The following NAA25 variants were observed in gnomAD, a reference collection of about 807,000 sequenced individuals.
The protein encoded by NAA25 is N-alpha-acetyltransferase 25, NatB auxiliary subunit.
In NAA25, 30 loss-of-function variants were observed where a neutral mutation model predicts 132.5. The ratio of observed to expected loss-of-function variants is 0.23; its 90% CI spans 0.17 to 0.31. NAA25 has a LOEUF of 0.31. NAA25 is among the 10% of genes least tolerant of loss of function. The pLI, the probability that NAA25 is intolerant of heterozygous loss-of-function variation, is 1.00. For missense variants in NAA25, 771 were observed against 1,150.4 expected, an observed-to-expected ratio of 0.67 and a Z score of 4.77; for synonymous variants, 359 against 401.9, an observed-to-expected ratio of 0.89 and a Z score of 1.28.
chr12:112,060,431 A>G, intron 12 of NAA25, 72 bp from the exon 13 acceptor site: 2 of 1,001,912 alleles, frequency 2.0e-6, no homozygotes, highest in Non-Finnish European at 3.1e-6. Flanking sequence ...AGTTTTTAAA[A>G]GCAGGAAAGT....
At chr12:112,043,024 C>T in intron 19 of NAA25, 64 bp downstream of exon 19, 1 of 1,465,744 alleles carries the variant, frequency 6.8e-7, no homozygotes, top group Non-Finnish European at 9.1e-7. Context: ...AGGTTATAGA[C>T]ATTTTATTAC....
chr12:112,069,425 C>A (rs2078769830), intron 10 of NAA25, among the ~76,000 whole-genome samples: 1 of 152,130 alleles, frequency 6.6e-6, no homozygotes, highest in Non-Finnish European at 1.5e-5. Context: ...ATCGCTTGAA[C>A]CGAGAAGGTG....
chr12:112,044,467 G>A (rs2078348470), intron 17 of NAA25, among the ~76,000 whole-genome samples: 2 of 151,398 alleles, frequency 1.3e-5, no homozygotes, highest in Admixed American at 1.3e-4. Flanking sequence ...TCAGGAGATC[G>A]AGATCATCCT....
At chr12:112,076,136 G>A (rs558597070) in intron 7 of NAA25, among the ~76,000 whole-genome samples, 2 of 152,208 alleles carry the variant, frequency 1.3e-5, no homozygotes, top group Admixed American at 1.3e-4. Flanking sequence ...ACCCATCCCA[G>A]CCTCCCAGAG....
intron 4 of NAA25, among the ~76,000 whole-genome samples, chr12:112,081,458 TTTAC>T (rs1399281016): frequency 1.3e-5 from 2 of 152,178 alleles, no homozygotes; most frequent in Non-Finnish European, 2.9e-5. Flanking sequence ...ATCAATAAAC[TTTAC>T]TTAAGATACC....
intron 15 of NAA25, among the ~76,000 whole-genome samples, chr12:112,050,793 T>A (rs754554612): frequency 6.6e-6 from 1 of 152,222 alleles, no homozygotes; most frequent in Non-Finnish European, 1.5e-5. Context: ...TTTTTAAAAA[T>A]CTATTCCAAA....
In NAA25 at chr12:112,043,230, A is replaced by C; in HGVS notation, c.2251-19T>G. 6.4e-7 allele frequency: 1 copy of C among 1,565,794 alleles called. No homozygotes were observed. The highest frequency in any genetic ancestry group is 8.6e-7 in the Non-Finnish European group (1 of 1,157,450). On this transcript the variant is annotated intron_variant, in intron 18 of 23. Coordinates refer to ENST00000261745, the MANE Select transcript of NAA25 (RefSeq NM_024953.4). ...AAGGATACTGGAAAAAAGGGAGAAAAATAATGCTCTTTTAAATCCATCTAA... is the reference window on the plus strand; with the variant it reads ...AAGGATACTGGAAAAAAGGGAGAAACATAATGCTCTTTTAAATCCATCTAA...
chr12:112,055,967 A>G (rs1170387849), intron 13 of NAA25, among the ~76,000 whole-genome samples: 1 of 152,204 alleles, frequency 6.6e-6, no homozygotes, highest in African/African-American at 2.4e-5. Flanking sequence ...TGGGAGGACA[A>G]GGCAGGGAGA....
Position 112,068,974 on chromosome 12 carries a change from A to G in NAA25, c.1055T>C (p.Met352Thr). Residue 352 changes from methionine (M) to threonine (T), a missense_variant, in exon 11 of 24, where the codon ATG becomes ACG. Physicochemically the swap from Met to Thr is moderately conservative, Grantham distance 81. Transcript: ENST00000261745. ...EYKLGDPEEL[M>T]FQYFKKFGDK... is the part of the protein sequence containing the mutation. ...GCCAAACTTTTTAAAATACTGGAACATTAATTCTTCTGGATCACCTGGGGG... is the reference window on the plus strand; with the variant it reads ...GCCAAACTTTTTAAAATACTGGAACGTTAATTCTTCTGGATCACCTGGGGG... 1 of 1,608,822 alleles carries G rather than the reference A, an allele frequency of 6.2e-7. No homozygotes were observed. Among genetic ancestry groups the G allele is most frequent in the Non-Finnish European group, 8.5e-7 (1 of 1,175,618 alleles).
intron 11 of NAA25, among the ~76,000 whole-genome samples, chr12:112,064,795 G>A (rs2078689984): frequency 6.6e-6 from 1 of 152,182 alleles, no homozygotes; most frequent in Non-Finnish European, 1.5e-5. Context: ...AGCACTTTGG[G>A]AGGCCGAGGC....
intron 4 of NAA25, among the ~76,000 whole-genome samples, chr12:112,086,037 A>T (rs1379500335): frequency 4.0e-4 from 32 of 79,076 alleles, no homozygotes; most frequent in African/African-American, 1.7e-3. Context: ...AAAAAAAAAA[A>T]AAAAAAAAAA....
In NAA25 at chr12:112,027,200, A is replaced by C. The variant is rs540071749; in HGVS notation, c.*2331T>G. On this transcript the variant is annotated 3_prime_UTR_variant, in exon 24 of 24. Transcript: ENST00000261745. Reference sequence around the variant, plus strand: ...ACACAAAAACAAACAAAACAAAAAAACCCATACAAATCAAAAACAGCAGCA... The same window carrying C: ...ACACAAAAACAAACAAAACAAAAAACCCCATACAAATCAAAAACAGCAGCA... The C allele has an allele frequency of 2.2e-4, 34 of 152,636 alleles. No homozygotes were observed. The highest frequency in any genetic ancestry group is 8.2e-4 in the African/African-American group (34 of 41,560). The allele number at this position is 152,636 out of a possible 1,614,324, so 9.5% of individuals were successfully genotyped here.
At chr12:112,097,598 C>T (rs867230091) in intron 1 of NAA25, among the ~76,000 whole-genome samples, 16 of 139,232 alleles carry the variant, frequency 1.1e-4, no homozygotes, top group African/African-American at 3.5e-4. Context: ...CAGAGCGAGA[C>T]TCCGTCTCAA....
rs2079158268 is a variant in NAA25, at chr12:112,092,973, G to A, written c.144+78C>T. 3.0e-6 allele frequency: 3 copies of A among 1,014,030 alleles called. No homozygotes were observed. In the South Asian group the frequency reaches 4.4e-5, roughly 15 times the overall value. 62.8% of individuals were successfully genotyped at this position (1,014,030 alleles called of 1,614,324 possible). A position where few individuals can be genotyped will look rare whatever the true frequency, so the allele number is the denominator to read the frequency against. On this transcript the variant is annotated intron_variant, in intron 2 of 23. Transcript: ENST00000261745. ...TTACAGGCTTGAGCCACCATGCCCG[G>A]CCCTCCTTTCTCTTTAAGGTAAGGA...
chr12:112,071,806 ACT>A lies in NAA25; in HGVS notation c.1036+87_1036+88del, dbSNP rs1009783960. The A allele has an allele frequency of 5.8e-5, 57 of 987,196 alleles. No homozygotes were observed. The African/African-American group carries it at 8.8e-4, about 15-fold the overall frequency. The allele number at this position is 987,196 out of a possible 1,614,324, so 61.2% of individuals were successfully genotyped here. A position where few individuals can be genotyped will look rare whatever the true frequency, so the allele number is the denominator to read the frequency against. ...TGAAGACATCTGCTTCCCAAACATG[ACT>A]CTGTCCAGTGTAGATCTCAACTAAT... is the stretch of plus-strand genomic sequence containing the variant. On this transcript the variant is annotated intron_variant, in intron 10 of 23. Coordinates refer to ENST00000261745, the MANE Select transcript of NAA25 (RefSeq NM_024953.4).
chr12:112,060,200 A>G, intron 13 of NAA25, 70 bp downstream of exon 13: 1 of 972,626 alleles, frequency 1.0e-6, no homozygotes, highest in Admixed American at 2.2e-5. Flanking sequence ...AATTAGTCTA[A>G]TGAAAGAATG....
chr12:112,101,442 G>C (rs1689347303), intron 1 of NAA25, among the ~76,000 whole-genome samples: 1 of 152,070 alleles, frequency 6.6e-6, no homozygotes, highest in African/African-American at 2.4e-5. Flanking sequence ...CAGTCTGCTA[G>C]AAAAATGAAA....
intron 13 of NAA25, among the ~76,000 whole-genome samples, chr12:112,057,376 G>A (rs781060211): frequency 1.3e-5 from 2 of 152,212 alleles, no homozygotes; most frequent in Admixed American, 6.5e-5. Flanking sequence ...TGGTGAGAAC[G>A]GATGTTAGGC....
intron 10 of NAA25, among the ~76,000 whole-genome samples, chr12:112,069,782 T>G (rs192762335): frequency 0.01 from 1,469 of 146,342 alleles, 10 homozygotes; most frequent in Non-Finnish European, 0.016. Flanking sequence ...ACTGCGCCAC[T>G]GCACTCCAGC....
Sources: gnomAD v4.1 joint callset for allele counts (sites outside exome capture counted in the v4.1 genomes callset) on GRCh38, gnomAD v4.1.1 for gene constraint, MANE v1.5 for transcripts, NCBI Gene and HGNC (gene_info 2026-07-23, HGNC 2026-07-21) for gene names.